EPHA7: variants seen among roughly 807,000 people sequenced by gnomAD.
EPHA7 encodes the protein EPH receptor A7.
Under a neutral mutation model 112.6 loss-of-function variants are expected in EPHA7, and 25 were observed. The observed-to-expected ratio is 0.22, with a 90% CI of 0.16 to 0.31. The LOEUF (loss-of-function observed/expected upper bound fraction) is 0.31. EPHA7 is among the 10% of genes least tolerant of loss of function. The probability of loss-of-function intolerance (pLI) is 1.00; values close to 1 mark genes in which losing one functional copy is unlikely to be tolerated. For missense variants in EPHA7, 962 were observed against 1,212.6 expected, an observed-to-expected ratio of 0.79 and a Z score of 3.07; for synonymous variants, 437 against 406.5, an observed-to-expected ratio of 1.07 and a Z score of -0.90.
At chr6:93,411,587 T>C (rs999129365) in intron 2 of EPHA7, among the ~76,000 whole-genome samples, 1 of 152,138 alleles carries the variant, frequency 6.6e-6, no homozygotes, top group African/African-American at 2.4e-5. Flanking sequence ...GGCCATATCA[T>C]ACTTACGATT....
In EPHA7 at chr6:93,255,873, C is replaced by G. The variant is rs1470224469; in HGVS notation, c.2337G>C (p.Leu779=). Residue 779 remains leucine, a synonymous_variant, in exon 13 of 17, where the codon CTG becomes CTC. Coordinates refer to ENST00000369303, the MANE Select transcript of EPHA7 (RefSeq NM_004440.4). ...CTGGATCATCCTCTATAACTCGGGA[C>G]AGGCCAAAATCTGACACTTTACAAA... ...NLVCKVSDFG[L]SRVIEDDPEA... 1 of 1,614,074 alleles carries G rather than the reference C, an allele frequency of 6.2e-7. No homozygotes were observed. Among genetic ancestry groups the G allele is most frequent in the East Asian group, 2.2e-5 (1 of 44,864 alleles).
In EPHA7 at chr6:93,410,341, G is replaced by C. The variant is rs1778914542; in HGVS notation, c.832+160C>G. 9.4e-6 allele frequency: 6 copies of C among 641,164 alleles called. 1 individual carries two copies. The South Asian group carries it at 1.2e-4, about 12-fold the overall frequency. The allele number at this position is 641,164 out of a possible 1,614,324, so 39.7% of individuals were successfully genotyped here. A position where few individuals can be genotyped will look rare whatever the true frequency, so the allele number is the denominator to read the frequency against. ...TACACTTAGTGCAGATGCTACTGTA[G>C]GGCAATCACTAAGTTCAACGGTGAC... is the stretch of plus-strand genomic sequence containing the variant. On this transcript the variant is annotated intron_variant, in intron 3 of 16. Coordinates refer to ENST00000369303, the MANE Select transcript of EPHA7 (RefSeq NM_004440.4). The surrounding 1 kb of genome is among the most constrained non-coding windows in gnomAD (Gnocchi z 4.0).
At chr6:93,384,781 C>T (rs548857318) in intron 3 of EPHA7, among the ~76,000 whole-genome samples, 1 of 152,006 alleles carries the variant, frequency 6.6e-6, no homozygotes, top group African/African-American at 2.4e-5. Flanking sequence ...TGTTATTGAA[C>T]GATTTGTCTT....
intron 3 of EPHA7, among the ~76,000 whole-genome samples, chr6:93,374,965 T>C (rs1582622334): frequency 6.6e-6 from 1 of 152,292 alleles, no homozygotes; most frequent in East Asian, 1.9e-4. Flanking sequence ...CATACAAAAA[T>C]TTCTGAATAG....
chr6:93,381,364 T>C (rs984911375), intron 3 of EPHA7, among the ~76,000 whole-genome samples: 1 of 152,214 alleles, frequency 6.6e-6, no homozygotes, highest in African/African-American at 2.4e-5. Flanking sequence ...AACCCAAATA[T>C]GATCTAATGC....
intron 3 of EPHA7, among the ~76,000 whole-genome samples, chr6:93,365,869 T>C (rs1423235922): frequency 2.0e-5 from 3 of 152,200 alleles, no homozygotes; most frequent in Non-Finnish European, 2.9e-5. Flanking sequence ...TACGTGTGTG[T>C]TTGTTATTAA....
rs1562122391 is a variant in EPHA7 at position 93,358,399 on chromosome 6, C to T, written c.845G>A (p.Gly282Glu). 6.2e-7 allele frequency: 1 copy of T among 1,605,406 alleles called. No homozygotes were observed. Among genetic ancestry groups the T allele is most frequent in the Non-Finnish European group, 8.5e-7 (1 of 1,175,226 alleles). Residue 282 changes from glycine to glutamate, a missense_variant, in exon 4 of 17, where the codon GGG (glycine) becomes GAG (glutamate). Transcript: ENST00000369303. ...KGDTCEPCGRGFYKSSSQDLQ... is the reference protein window; with the variant it reads ...KGDTCEPCGREFYKSSSQDLQ... Reference sequence around the variant, plus strand: ...ATCTTGAGAGGAAGACTTGTAGAACCCACGGCCACAGGCTGGGAATGCAAA... The same window carrying T: ...ATCTTGAGAGGAAGACTTGTAGAACTCACGGCCACAGGCTGGGAATGCAAA...
At chr6:93,339,665 T>C (rs1775047194) in intron 5 of EPHA7, among the ~76,000 whole-genome samples, 1 of 151,776 alleles carries the variant, frequency 6.6e-6, no homozygotes, top group African/African-American at 2.4e-5. Context: ...TTTCTCTAGA[T>C]GCATTATTAC....
chr6:93,284,160 TTTTTA>T (rs576425011), intron 5 of EPHA7, among the ~76,000 whole-genome samples: 48 of 152,316 alleles, frequency 3.2e-4, no homozygotes, highest in Non-Finnish European at 6.0e-4. Context: ...TTATTCTATC[TTTTTA>T]TTTTATTTCT....
chr6:93,340,960 A>C (rs1775109186), intron 5 of EPHA7, among the ~76,000 whole-genome samples: 1 of 151,968 alleles, frequency 6.6e-6, no homozygotes, highest in Non-Finnish European at 1.5e-5. Context: ...AACTCAGGGC[A>C]AGAGGCAGAG....
intron 9 of EPHA7, among the ~76,000 whole-genome samples, chr6:93,259,831 G>C (rs2127861045): frequency 6.6e-6 from 1 of 151,986 alleles, no homozygotes; most frequent in Admixed American, 6.6e-5. Flanking sequence ...TAATGGACTT[G>C]GAAACACATT....
At chr6:93,379,265 C>T (rs1777217472) in intron 3 of EPHA7, among the ~76,000 whole-genome samples, 1 of 151,920 alleles carries the variant, frequency 6.6e-6, no homozygotes, top group African/African-American at 2.4e-5. Context: ...ATTTGAATTG[C>T]CTCTTCCTCC....
intron 1 of EPHA7, among the ~76,000 whole-genome samples, chr6:93,416,846 G>A (rs1779256369): frequency 6.6e-6 from 1 of 152,052 alleles, no homozygotes; most frequent in Admixed American, 6.5e-5. Context: ...CGACCGCGCG[G>A]GCAAAGGCTG....
chr6:93,360,885 A>G (rs1776229054), intron 3 of EPHA7, among the ~76,000 whole-genome samples: 1 of 152,104 alleles, frequency 6.6e-6, no homozygotes, highest in African/African-American at 2.4e-5. Flanking sequence ...TTCTACCATC[A>G]TCATTTACTG....
chr6:93,259,110 A>G (rs1770572932), intron 10 of EPHA7, among the ~76,000 whole-genome samples: 2 of 152,044 alleles, frequency 1.3e-5, no homozygotes, highest in Non-Finnish European at 2.9e-5. Context: ...AGTAGCTTGT[A>G]GTAGAACAAT....
intron 5 of EPHA7, among the ~76,000 whole-genome samples, chr6:93,345,303 A>T (rs1211242717): frequency 1.3e-5 from 2 of 151,748 alleles, no homozygotes; most frequent in African/African-American, 4.8e-5. Flanking sequence ...AAATATTAAA[A>T]ATTAAGACAC....
chr6:93,410,328 A>G lies in EPHA7; in HGVS notation c.832+173T>C. 1.6e-6 allele frequency: 1 copy of G among 615,024 alleles called. No homozygotes were observed. The highest frequency in any genetic ancestry group is 2.9e-6 in the Non-Finnish European group (1 of 349,492). The allele number at this position is 615,024 out of a possible 1,614,324, so 38.1% of individuals were successfully genotyped here. A position where few individuals can be genotyped will look rare whatever the true frequency, so the allele number is the denominator to read the frequency against. ...TATATTGATTACATACACTTAGTGC[A>G]GATGCTACTGTAGGGCAATCACTAA... is the stretch of plus-strand genomic sequence containing the variant. On this transcript the variant is annotated intron_variant, in intron 3 of 16. Coordinates refer to ENST00000369303, the MANE Select transcript of EPHA7 (RefSeq NM_004440.4). This position sits in a 1 kb window ranked among gnomAD's most constrained non-coding sequence, Gnocchi z 4.0.
chr6:93,370,989 CA>C (rs1231694778), intron 3 of EPHA7, among the ~76,000 whole-genome samples: 1,195 of 89,978 alleles, frequency 0.013, 11 homozygotes, highest in African/African-American at 0.037. Context: ...ACGAAAAATA[CA>C]AAAAAAAAAA....
At chr6:93,372,498 G>A (rs1005441600) in intron 3 of EPHA7, among the ~76,000 whole-genome samples, 9 of 151,978 alleles carry the variant, frequency 5.9e-5, no homozygotes, top group African/African-American at 1.7e-4. Flanking sequence ...GAATCAATAA[G>A]GTTTTAAGGT....
Sources: allele counts gnomAD v4.1 joint callset (sites outside exome capture counted in the v4.1 genomes callset), GRCh38; gene constraint gnomAD v4.1.1; non-coding constraint Gnocchi (gnomAD v3.1); transcripts MANE v1.5; gene names NCBI Gene and HGNC (gene_info 2026-07-23, HGNC 2026-07-21).